Variants in ZNF519 observed in about 807,000 individuals in gnomAD.
ZNF519 encodes zinc finger protein 519.
ZNF519 carries 7 observed loss-of-function variants against 7.4 expected under a neutral mutation model. That is an observed-to-expected ratio of 0.94 (90% CI 0.54 to 1.77). The LOEUF (loss-of-function observed/expected upper bound fraction) is 1.77, where lower values mean the gene tolerates loss of function less well. Ranked by LOEUF, ZNF519 falls within the 40% of genes most tolerant of loss-of-function variation. The probability of loss-of-function intolerance (pLI) is 0.00; values close to 1 mark genes in which losing one functional copy is unlikely to be tolerated. For synonymous variants in ZNF519, 179 were observed against 203.3 expected, an observed-to-expected ratio of 0.88 and a Z score of 1.02; for missense variants, 586 against 623.1, an observed-to-expected ratio of 0.94 and a Z score of 0.63.
In ZNF519 at chr18:14,105,960, A is replaced by C; in HGVS notation, c.580T>G (p.Ser194Ala). ...ATATTTTCAGGGAAAATAAGCTTTG[A>C]GGATTGGTAAAATACTTTTTCACAT... ...NECEKVFYQSSKLIFPENIHI... is the reference protein window; with the variant it reads ...NECEKVFYQSAKLIFPENIHI... The change falls in exon 3 of 3, where the codon TCA (serine) becomes GCA (alanine). Residue 194 changes from serine to alanine, a missense_variant. By Grantham distance (99) the Ser-to-Ala change is moderately conservative. Coordinates refer to ENST00000590202, the MANE Select transcript of ZNF519 (RefSeq NM_145287.4). 2 of 1,602,746 alleles carry C rather than the reference A, an allele frequency of 1.2e-6. No individual in the cohort carries two copies. The highest frequency in any genetic ancestry group is 1.7e-6 in the Non-Finnish European group (2 of 1,173,192).
At chr18:14,123,286 T>C (rs2046279096) in intron 2 of ZNF519, 1 of 154,984 alleles carries the variant, frequency 6.5e-6, no homozygotes, top group African/African-American at 2.4e-5. Flanking sequence ...CCTAGTACTA[T>C]GCTAAGCAGA....
intron 2 of ZNF519, among the ~76,000 whole-genome samples, chr18:14,107,134 G>A (rs970196011): frequency 6.6e-6 from 1 of 152,104 alleles, no homozygotes; most frequent in Non-Finnish European, 1.5e-5. Context: ...AGCTAAGAGA[G>A]TGCTTACACC....
downstream of ZNF519, chr18:14,071,571 C>T (rs1328916395): frequency 6.6e-6 from 1 of 152,144 alleles, no homozygotes; most frequent in African/African-American, 2.4e-5. Flanking sequence ...ATAAAGTGTT[C>T]CACATTTAGG....
At chr18:14,118,548 G>A (rs1217963681) in intron 2 of ZNF519, among the ~76,000 whole-genome samples, 5 of 152,130 alleles carry the variant, frequency 3.3e-5, no homozygotes, top group South Asian at 4.1e-4. Flanking sequence ...CCTATGGTTG[G>A]GGTTGTGAAA....
intron 3 of ZNF519, among the ~76,000 whole-genome samples, chr18:14,083,340 A>G (rs1007842745): frequency 6.6e-6 from 1 of 152,102 alleles, no homozygotes; most frequent in Non-Finnish European, 1.5e-5. Context: ...ACAGAGCAAG[A>G]CTCTGTCTCA....
intron 2 of ZNF519, among the ~76,000 whole-genome samples, chr18:14,087,652 G>A (rs898113557): frequency 6.6e-6 from 1 of 152,120 alleles, no homozygotes; most frequent in Admixed American, 6.5e-5. Context: ...TGGGTCATTT[G>A]TTTTCTCATT....
rs922152344 is a variant in ZNF519 at position 14,104,381 on chromosome 18, T to A, written c.*536A>T. The A allele has an allele frequency of 2.6e-5, 4 of 152,512 alleles. No individual in the cohort carries two copies. The highest frequency in any genetic ancestry group is 9.7e-5 in the African/African-American group (4 of 41,420). The allele number at this position is 152,512 out of a possible 1,614,324, so 9.4% of individuals were successfully genotyped here. A position where few individuals can be genotyped will look rare whatever the true frequency, so the allele number is the denominator to read the frequency against. On this transcript the variant is annotated 3_prime_UTR_variant, in exon 3 of 3. Transcript: ENST00000590202. ...AACTCCATTTAGATTTCATCATACA[T>A]CCTATATGCCAATGCTCTTAGTCTT...
At chr18:14,081,790 A>G (rs1406675763) in intron 3 of ZNF519, among the ~76,000 whole-genome samples, 1 of 152,190 alleles carries the variant, frequency 6.6e-6, no homozygotes, top group African/African-American at 2.4e-5. Context: ...AAAAATAAAG[A>G]GAAAATCGAA....
At chr18:14,112,795 T>C (rs2046228160) in intron 2 of ZNF519, among the ~76,000 whole-genome samples, 1 of 152,162 alleles carries the variant, frequency 6.6e-6, no homozygotes, top group Non-Finnish European at 1.5e-5. Flanking sequence ...AAAGAAAATA[T>C]ATTTTTTGTT....
Position 14,106,206 on chromosome 18 carries a change from G to A in ZNF519, c.334C>T (p.His112Tyr). The change falls in exon 3 of 3, where the codon CAT becomes TAT. Residue 112 changes from histidine to tyrosine, a missense_variant. Transcript: ENST00000590202. ...TCTTTGTCTCCTTTCACAGTTAAAT[G>A]TTTGTTATGACTAGTTGTCAAATAT... ...SQYLTTSHNKHLTVKGDKEYR... is the reference protein window; with the variant it reads ...SQYLTTSHNKYLTVKGDKEYR... 6.2e-7 allele frequency: 1 copy of A among 1,613,028 alleles called. No homozygotes were observed. The highest frequency in any genetic ancestry group is 2.2e-5 in the East Asian group (1 of 44,826).
At chr18:14,099,350 G>T (rs1315193397), downstream of ZNF519, among the ~76,000 whole-genome samples, 1 of 152,180 alleles carries the variant, frequency 6.6e-6, no homozygotes, top group Non-Finnish European at 1.5e-5. Context: ...TAGTATATTT[G>T]CTCTGTGAGG....
chr18:14,099,450 T>A (rs546782843), downstream of ZNF519, among the ~76,000 whole-genome samples: 4 of 152,186 alleles, frequency 2.6e-5, no homozygotes, highest in Non-Finnish European at 5.9e-5. Context: ...ATACTTATTA[T>A]GTATATTATA....
chr18:14,105,105 G>A lies in ZNF519; in HGVS notation c.1435C>T (p.Gln479Ter), dbSNP rs780527462. ...FIWGSHLTQH[Q>*]RVHTGEKFFK... is the part of the protein sequence containing the mutation. The stretch of plus-strand genomic sequence containing the variant: ...AATTTCTCTCCAGTATGGACTCTCT[G>A]ATGTTGAGTAAGGTGTGAGCCCCAG... Residue 479 changes from glutamine (Q) to a stop codon, truncating the protein, a stop_gained, in exon 3 of 3, where the codon CAG becomes TAG. Transcript: ENST00000590202. LOFTEE classifies it low-confidence loss of function (END_TRUNC). The A allele has an allele frequency of 1.9e-6, 3 of 1,612,792 alleles. No homozygotes were observed. The African/African-American group carries it at 4.0e-5, about 22-fold the overall frequency.
chr18:14,128,310 A>AAACAAACAAACAAACAAAC (rs569951991), intron 1 of ZNF519, among the ~76,000 whole-genome samples: 234 of 151,884 alleles, frequency 1.5e-3, no homozygotes, highest in African/African-American at 4.9e-3. Context: ...ACAAACAAAC[A>AAACAAACAAACAAACAAAC]AACTCTCCAC....
chr18:14,128,309 CA>C (rs200787963), intron 1 of ZNF519, among the ~76,000 whole-genome samples: 67 of 144,650 alleles, frequency 4.6e-4, no homozygotes, highest in African/African-American at 1.6e-3. Context: ...AACAAACAAA[CA>C]AACTCTCCAC....
chr18:14,093,624 C>A (rs1178806598), intron 2 of ZNF519, among the ~76,000 whole-genome samples: 1 of 152,172 alleles, frequency 6.6e-6, no homozygotes, highest in African/African-American at 2.4e-5. Context: ...TCCACCAGAA[C>A]CAGAGTATGT....
At chr18:14,091,911 G>T (rs2046116197) in intron 2 of ZNF519, among the ~76,000 whole-genome samples, 1 of 152,186 alleles carries the variant, frequency 6.6e-6, no homozygotes, top group African/African-American at 2.4e-5. Flanking sequence ...GAACCAGCCT[G>T]AGGTCAGAGT....
intron 2 of ZNF519, among the ~76,000 whole-genome samples, chr18:14,093,949 A>G (rs981487022): frequency 1.3e-5 from 2 of 152,262 alleles, no homozygotes; most frequent in African/African-American, 4.8e-5. Context: ...GATAGCTTTC[A>G]GCTAACAATT....
intron 2 of ZNF519, among the ~76,000 whole-genome samples, chr18:14,114,550 G>A (rs1201833507): frequency 6.6e-6 from 1 of 152,040 alleles, no homozygotes; most frequent in Non-Finnish European, 1.5e-5. Flanking sequence ...CAAATACTAT[G>A]TTTCCTCCAG....
Sources: gnomAD v4.1 joint callset for allele counts (sites outside exome capture counted in the v4.1 genomes callset) on GRCh38, gnomAD v4.1.1 for gene constraint, MANE v1.5 for transcripts, NCBI Gene and HGNC (gene_info 2026-07-23, HGNC 2026-07-21) for gene names.